The following RARB variants were observed in gnomAD, a reference collection of about 807,000 sequenced individuals.
RARB encodes retinoic acid receptor beta.
Under a neutral mutation model 51.9 loss-of-function variants are expected in RARB, and 17 were observed. The ratio of observed to expected loss-of-function variants is 0.33; its 90% CI spans 0.22 to 0.49. RARB has a LOEUF of 0.49. Among genes scored for constraint, RARB ranks in the 20% least tolerant of loss-of-function variants. RARB has a pLI of 0.99. For missense variants in RARB, 369 were observed against 550.8 expected (o/e 0.67, Z 3.30); for synonymous variants, 215 against 195.4 (o/e 1.10, Z -0.84).
chr3:25,252,989 G>A (rs549003993), intron 5 of RARB, among the ~76,000 whole-genome samples: 8 of 152,250 alleles, frequency 5.3e-5, no homozygotes, highest in African/African-American at 1.9e-4. Flanking sequence ...CTCCCTCTCT[G>A]TACCAATTTA....
Position 25,056,800 on chromosome 3 carries a change from A to G in RARB, c.-379-3325A>G, listed in dbSNP as rs545994484. Among the ~76,000 whole-genome samples the G allele has an allele frequency of 9.8e-5, 15 of 152,288 alleles. No homozygotes were observed. The South Asian group carries it at 2.3e-3, about 23-fold the overall frequency. ...TCTTTTAATTATTCAGCAAAATATA[A>G]TGTTGTCTCTTAAAGACAAACTATC... On this transcript the variant is annotated intron_variant, in intron 2 of 11. Coordinates refer to the RARB transcript ENST00000383772.
At chr3:25,187,590 A>C (rs1701007720) in intron 5 of RARB, among the ~76,000 whole-genome samples, 1 of 152,128 alleles carries the variant, frequency 6.6e-6, no homozygotes. Flanking sequence ...GCTAATAAAA[A>C]TACTTTTAAT....
At chr3:25,145,325 C>T (rs185217607) in intron 4 of RARB, among the ~76,000 whole-genome samples, 1 of 152,224 alleles carries the variant, frequency 6.6e-6, no homozygotes, top group African/African-American at 2.4e-5. Context: ...AGCAAACTGT[C>T]TATCCTGCTG....
Position 25,092,577 on chromosome 3 carries a change from C to T in RARB, c.-328+32401C>T, listed in dbSNP as rs115748955. On this transcript the variant is annotated intron_variant, in intron 3 of 11. Coordinates refer to the RARB transcript ENST00000383772. The stretch of plus-strand genomic sequence containing the variant: ...AGCCCTCTCCCCACACCACCAAAAA[C>T]AGGCTGCCACCTGGAATTTGTAATC... Among the ~76,000 whole-genome samples, 989 of 152,262 alleles carry T rather than the reference C, an allele frequency of 6.5e-3. 9 individuals carry two copies. Among genetic ancestry groups the T allele is most frequent in the African/African-American group, 0.023 (965 of 41,558 alleles).
chr3:25,367,434 TG>T (rs1256307358), intron 5 of RARB, among the ~76,000 whole-genome samples: 3 of 152,088 alleles, frequency 2.0e-5, no homozygotes, highest in Non-Finnish European at 4.4e-5. Flanking sequence ...TTATATGCTT[TG>T]GCAAAGCATC....
intron 3 of RARB, among the ~76,000 whole-genome samples, chr3:25,079,006 T>C (rs942943324): frequency 6.6e-6 from 1 of 152,104 alleles, no homozygotes; most frequent in Non-Finnish European, 1.5e-5. Flanking sequence ...TAATATTGAG[T>C]ATTCTAAGCC....
chr3:25,561,544 C>T (rs1442197513), intron 3 of RARB, among the ~76,000 whole-genome samples: 3 of 151,236 alleles, frequency 2.0e-5, no homozygotes, highest in African/African-American at 7.3e-5. Flanking sequence ...GTGCTCTTTC[C>T]GAGGTTCAAG....
intron 5 of RARB, among the ~76,000 whole-genome samples, chr3:25,248,369 GATT>G (rs925626814): frequency 5.3e-5 from 8 of 152,122 alleles, no homozygotes; most frequent in African/African-American, 1.9e-4. Context: ...TTACATTCAA[GATT>G]ATTATTGATA....
chr3:25,478,049 A>G (rs1696044481), intron 2 of RARB, among the ~76,000 whole-genome samples: 1 of 152,176 alleles, frequency 6.6e-6, no homozygotes. Context: ...TCCTTACAAA[A>G]TGGTGGTCTC....
At chr3:25,449,814 C>A (rs879461663) in intron 1 of RARB, among the ~76,000 whole-genome samples, 2 of 151,096 alleles carry the variant, frequency 1.3e-5, no homozygotes, top group African/African-American at 4.9e-5. Context: ...TGCAATGGTG[C>A]GATCTCGGCT....
chr3:25,340,809 AG>A (rs1313272399), intron 5 of RARB, among the ~76,000 whole-genome samples: 1 of 152,202 alleles, frequency 6.6e-6, no homozygotes, highest in Non-Finnish European at 1.5e-5. Flanking sequence ...CCATTGACAG[AG>A]CTTGAAGCAA....
At chr3:25,182,554 T>C (rs1034274738) in intron 5 of RARB, among the ~76,000 whole-genome samples, 3 of 152,168 alleles carry the variant, frequency 2.0e-5, no homozygotes, top group Non-Finnish European at 4.4e-5. Flanking sequence ...TTCACTCTTC[T>C]GATATATATT....
chr3:25,042,427 A>C (rs1334477029), intron 2 of RARB, among the ~76,000 whole-genome samples: 1 of 152,216 alleles, frequency 6.6e-6, no homozygotes, highest in African/African-American at 2.4e-5. Flanking sequence ...TTTAACACCC[A>C]GTAATGTTTT....
chr3:25,512,089 C>T (rs1575475408), intron 3 of RARB, among the ~76,000 whole-genome samples: 1 of 152,188 alleles, frequency 6.6e-6, no homozygotes, highest in Non-Finnish European at 1.5e-5. Context: ...ATAGTACCTA[C>T]TTCATGTGGC....
At position 25,445,579 on chromosome 3, in the gene RARB, A is replaced by T. The variant is rs12632291; in HGVS notation, c.158-15614A>T. Among the ~76,000 whole-genome samples the T allele has an allele frequency of 3.6e-4, 55 of 152,176 alleles. No homozygotes were observed. The East Asian group carries it at 9.5e-3, about 26-fold the overall frequency. On this transcript the variant is annotated intron_variant, in intron 1 of 7. Coordinates refer to ENST00000330688, the MANE Select transcript of RARB (RefSeq NM_000965.5). ...CTACTCGAGAGGCTGAAGCAGGAGA[A>T]TTGCTTGAGCCCAGGAGGCAGGGGT...
intron 3 of RARB, among the ~76,000 whole-genome samples, chr3:25,062,198 C>A (rs759535325): frequency 6.6e-5 from 10 of 151,616 alleles, no homozygotes; most frequent in Non-Finnish European, 1.0e-4. Context: ...ACTGGATATT[C>A]TCAGAAGAAA....
chr3:25,377,711 C>G (rs2125476713), intron 5 of RARB, among the ~76,000 whole-genome samples: 1 of 152,164 alleles, frequency 6.6e-6, no homozygotes, highest in African/African-American at 2.4e-5. Flanking sequence ...CCATTGTTCC[C>G]TAGATCAGAA....
At chr3:25,006,799 G>C (rs536732067) in intron 2 of RARB, among the ~76,000 whole-genome samples, 2 of 152,250 alleles carry the variant, frequency 1.3e-5, no homozygotes, top group South Asian at 2.1e-4. Flanking sequence ...ACACCTTAGA[G>C]TCCTGTTTGG....
intron 5 of RARB, among the ~76,000 whole-genome samples, chr3:25,202,138 C>T (rs2125371438): frequency 6.6e-6 from 1 of 152,246 alleles, no homozygotes; most frequent in Non-Finnish European, 1.5e-5. Context: ...TTCAGAGATT[C>T]AACTTCTTCC....
Sources: gnomAD v4.1 joint callset for allele counts (sites outside exome capture counted in the v4.1 genomes callset) on GRCh38, gnomAD v4.1.1 for gene constraint, MANE v1.5 for transcripts, NCBI Gene and HGNC (gene_info 2026-07-23, HGNC 2026-07-21) for gene names.